The following GRID1 variants were observed in gnomAD, a reference collection of about 807,000 sequenced individuals.
GRID1 encodes glutamate receptor ionotropic, delta-1.
In GRID1, 28 loss-of-function variants were observed where a neutral mutation model predicts 98.0. That is an observed-to-expected ratio of 0.29 (90% CI 0.21 to 0.39). The LOEUF is 0.39. GRID1 is among the 10% of genes least tolerant of loss of function. GRID1 has a pLI of 1.00. For synonymous variants in GRID1, 553 were observed against 538.5 expected (o/e 1.03, Z -0.37); for missense variants, 1,111 against 1,340.5 (o/e 0.83, Z 2.67).
chr10:85,792,468 G>C (rs1842489478), intron 8 of GRID1, among the ~76,000 whole-genome samples: 1 of 152,184 alleles, frequency 6.6e-6, no homozygotes, highest in African/African-American at 2.4e-5. Context: ...ATCAGACACT[G>C]GAAGCCAGAA....
chr10:85,974,290 T>C (rs1422938881), intron 4 of GRID1, among the ~76,000 whole-genome samples: 1 of 152,106 alleles, frequency 6.6e-6, no homozygotes, highest in East Asian at 1.9e-4. Context: ...TTTGTTTGTT[T>C]TGTTTTGTTT....
intron 8 of GRID1, among the ~76,000 whole-genome samples, chr10:85,768,931 T>A (rs1043713637): frequency 1.3e-5 from 2 of 152,250 alleles, no homozygotes; most frequent in African/African-American, 4.8e-5. Context: ...TGTGAATTAA[T>A]ATATGGTCAA....
At chr10:85,748,175 T>G (rs1160692380) in intron 8 of GRID1, among the ~76,000 whole-genome samples, 1 of 151,988 alleles carries the variant, frequency 6.6e-6, no homozygotes, top group East Asian at 1.9e-4. Flanking sequence ...CATTCAAACA[T>G]TCAGTAAGAA....
At chr10:86,121,306 C>A (rs909034395) in intron 4 of GRID1, among the ~76,000 whole-genome samples, 3 of 151,634 alleles carry the variant, frequency 2.0e-5, no homozygotes, top group Admixed American at 2.0e-4. Context: ...TCATCACCAC[C>A]ATCACCATCA....
chr10:85,989,639 C>T (rs1329834889), intron 4 of GRID1, among the ~76,000 whole-genome samples: 4 of 152,206 alleles, frequency 2.6e-5, no homozygotes, highest in African/African-American at 9.7e-5. Context: ...GCCTGGTGAT[C>T]TGAAATGGAA....
chr10:86,023,988 G>T (rs1393912370), intron 4 of GRID1, among the ~76,000 whole-genome samples: 1 of 152,086 alleles, frequency 6.6e-6, no homozygotes, highest in Non-Finnish European at 1.5e-5. Context: ...CATTAATTAT[G>T]TTAAATTAAT....
At chr10:85,737,757 CAT>C (rs1040051025) in intron 8 of GRID1, among the ~76,000 whole-genome samples, 1 of 141,024 alleles carries the variant, frequency 7.1e-6, no homozygotes. Context: ...TATATACAAC[CAT>C]ATATATATGT....
At chr10:86,187,567 T>A (rs1286894216) in intron 3 of GRID1, among the ~76,000 whole-genome samples, 1 of 152,196 alleles carries the variant, frequency 6.6e-6, no homozygotes, top group East Asian at 1.9e-4. Context: ...AATGTGAGAT[T>A]CCCAGGAGCA....
At chr10:86,250,784 G>A (rs961402575) in intron 2 of GRID1, among the ~76,000 whole-genome samples, 106 of 151,916 alleles carry the variant, frequency 7.0e-4, no homozygotes, top group African/African-American at 2.1e-3. Context: ...CTGCCCGGCC[G>A]CCACCCCGTC....
intron 2 of GRID1, among the ~76,000 whole-genome samples, chr10:86,338,284 C>A (rs184882576): frequency 6.6e-6 from 1 of 152,148 alleles, no homozygotes; most frequent in East Asian, 1.9e-4. Context: ...TCAGAGTCCT[C>A]TGAAGACCTC....
intron 4 of GRID1, among the ~76,000 whole-genome samples, chr10:86,077,514 C>T (rs1843900003): frequency 6.6e-6 from 1 of 152,212 alleles, no homozygotes; most frequent in South Asian, 2.1e-4. Flanking sequence ...TGCACTAGGG[C>T]TCCTCTTCCA....
chr10:85,762,017 A>C (rs1188118380), intron 8 of GRID1, among the ~76,000 whole-genome samples: 1 of 152,202 alleles, frequency 6.6e-6, no homozygotes, highest in Admixed American at 6.5e-5. Context: ...AAGCCTTCCC[A>C]AATATCTCAA....
At chr10:86,202,096 T>C (rs1423054188) in intron 3 of GRID1, among the ~76,000 whole-genome samples, 1 of 152,250 alleles carries the variant, frequency 6.6e-6, no homozygotes, top group Non-Finnish European at 1.5e-5. Context: ...CCTGATGTTT[T>C]GTTTCTGTGG....
chr10:85,669,604 T>G (rs77101782), intron 12 of GRID1, among the ~76,000 whole-genome samples: 8,014 of 152,222 alleles, frequency 0.053, 244 homozygotes, highest in African/African-American at 0.075. Context: ...GAATCTCGTT[T>G]GACTCCCAGC....
At chr10:85,794,453 C>A (rs1016551547) in intron 8 of GRID1, among the ~76,000 whole-genome samples, 4 of 152,164 alleles carry the variant, frequency 2.6e-5, no homozygotes, top group Non-Finnish European at 5.9e-5. Flanking sequence ...TGTTTCTAAT[C>A]ATGCTCTTGA....
chr10:85,855,742 G>A (rs1202795441), intron 7 of GRID1, among the ~76,000 whole-genome samples: 2 of 152,220 alleles, frequency 1.3e-5, no homozygotes, highest in Admixed American at 1.3e-4. Flanking sequence ...GGGATAGGCA[G>A]CTGCCTCCAT....
In GRID1 at chr10:85,822,739, G is replaced by T. The variant is rs542298679; in HGVS notation, c.1233+31757C>A. On this transcript the variant is annotated intron_variant, in intron 8 of 15. Transcript: ENST00000327946. ...TGCTGCTATAAAGACACATGCACAC[G>T]TATGTTTATTGCGGCACTATTCACA... Among the ~76,000 whole-genome samples the T allele has an allele frequency of 5.4e-3, 820 of 152,206 alleles. 8 individuals are homozygous for T. The highest frequency in any genetic ancestry group is 0.019 in the African/African-American group (783 of 41,516).
intron 2 of GRID1, among the ~76,000 whole-genome samples, chr10:86,362,180 A>G (rs1564749051): frequency 6.6e-6 from 1 of 152,148 alleles, no homozygotes; most frequent in African/African-American, 2.4e-5. Context: ...GTCAACAGAG[A>G]TGGGGTTTGT....
At chr10:85,849,293 T>C (rs1206153431) in intron 8 of GRID1, among the ~76,000 whole-genome samples, 1 of 152,192 alleles carries the variant, frequency 6.6e-6, no homozygotes, top group Non-Finnish European at 1.5e-5. Flanking sequence ...AGAGCAGTTA[T>C]TACTCAGTGA....
Sources: gnomAD v4.1 joint callset for allele counts (sites outside exome capture counted in the v4.1 genomes callset) on GRCh38, gnomAD v4.1.1 for gene constraint, MANE v1.5 for transcripts, NCBI Gene and HGNC (gene_info 2026-07-23, HGNC 2026-07-21) for gene names.